ADGRG2: variants seen among roughly 807,000 people sequenced by gnomAD.
ADGRG2 encodes adhesion G protein-coupled receptor G2, also known as G protein-coupled receptor 64.
In ADGRG2, 26 loss-of-function variants were observed where a neutral mutation model predicts 74.1. The observed-to-expected ratio is 0.35, with a 90% confidence interval of 0.26 to 0.49. The LOEUF is 0.49. Among genes scored for constraint, ADGRG2 ranks in the 20% least tolerant of loss-of-function variants. The pLI is 0.99. For missense variants in ADGRG2, 619 were observed against 763.1 expected, an observed-to-expected ratio of 0.81 and a Z score of 2.22; for synonymous variants, 296 against 295.2, an observed-to-expected ratio of 1.00 and a Z score of -0.03.
chrX:19,005,542 G>T (rs1476788984), intron 22 of ADGRG2, among the ~76,000 whole-genome samples: 2 of 107,694 alleles, frequency 1.9e-5, no homozygotes, highest in African/African-American at 6.9e-5. Context: ...ATTAGAAGAG[G>T]AATCTCTCTC....
At position 18,991,055 on chromosome X, in the gene ADGRG2, A is replaced by G; in HGVS notation, c.2870-7T>C. On this transcript the variant is annotated splice_polypyrimidine_tract_variant and splice_region_variant and intron_variant, in intron 28 of 28. Transcript: ENST00000379869. The stretch of plus-strand genomic sequence containing the variant: ...CTCTCTGTAGAAGCATTTCCTGTAT[A>G]AGGAAACACAAAGCGGGTGGCATGA... The G allele has an allele frequency of 8.9e-7, 1 of 1,121,986 alleles. No homozygotes were observed. 92.5% of individuals were successfully genotyped at this position (1,121,986 alleles called of 1,213,427 possible). A position where few individuals can be genotyped will look rare whatever the true frequency, so the allele number is the denominator to read the frequency against.
chrX:19,062,503 TGA>T (rs1311169727), intron 3 of ADGRG2, among the ~76,000 whole-genome samples: 1 of 111,847 alleles, frequency 8.9e-6, no homozygotes, highest in Non-Finnish European at 1.9e-5. Flanking sequence ...GTGGGGGTTG[TGA>T]GATTGGCTGA....
chrX:18,999,246 A>G lies in ADGRG2; in HGVS notation c.2364T>C (p.Ile788=). 10 of 1,207,048 alleles carry G rather than the reference A, an allele frequency of 8.3e-6. No homozygotes were observed. Among genetic ancestry groups the G allele is most frequent in the Non-Finnish European group, 1.1e-5 (10 of 892,409 alleles). ...CWINNNAVFY[I]TVVGYFCVIF... ...TCACACAGAAATATCCCACCACCGT[A>G]ATGTAGAATACTGCATTGTTGTTGA... The change falls in exon 26 of 29, where the codon ATT becomes ATC. Residue 788 remains isoleucine, a synonymous_variant. Transcript: ENST00000379869.
Position 19,109,575 on chromosome X carries a change from A to G in ADGRG2, c.-47+12867T>C, listed in dbSNP as rs759190144. ...TTTGGTGCCCTTTTCTCAGATTTCA[A>G]TAACACACACGGCTTATCACTTGTG... On this transcript the variant is annotated intron_variant, in intron 1 of 28. Transcript: ENST00000379869. 8.9e-5 allele frequency among the ~76,000 whole-genome samples: 10 copies of G among 111,963 alleles called. No homozygotes were observed. The South Asian group carries it at 3.7e-3, about 42-fold the overall frequency.
Position 19,040,222 on chromosome X carries a change from CT to C in ADGRG2, c.120del (p.Asp41IlefsTer39). The C allele has an allele frequency of 8.8e-7, 1 of 1,141,179 alleles. No individual in the cohort carries two copies. The highest frequency in any genetic ancestry group is 1.2e-6 in the Non-Finnish European group (1 of 836,192). 94.0% of individuals were successfully genotyped at this position (1,141,179 alleles called of 1,213,427 possible). A position where few individuals can be genotyped will look rare whatever the true frequency, so the allele number is the denominator to read the frequency against. ...GGTGACAAACTGGAATTATCAGTAT[CT>C]TCTGTTGAGGAAAAGAGGTGATTCA... ...LHVVLVTSLE[E>X]DTDNSSLSPP... On this transcript the variant is annotated frameshift_variant and splice_region_variant, in exon 4 of 29. Transcript: ENST00000379869. LOFTEE classifies it high-confidence loss of function.
chrX:19,043,373 G>C (rs140025791), intron 3 of ADGRG2, among the ~76,000 whole-genome samples: 2 of 111,439 alleles, frequency 1.8e-5, no homozygotes, highest in East Asian at 5.7e-4. Context: ...TAAAGAGGTG[G>C]TCGTCATATC....
At chrX:19,095,550 C>T (rs1290198317) in intron 1 of ADGRG2, among the ~76,000 whole-genome samples, 2 of 112,053 alleles carry the variant, frequency 1.8e-5, no homozygotes, top group Admixed American at 9.5e-5. Context: ...ATCCACACTT[C>T]GCTAATCAGC....
intron 1 of ADGRG2, among the ~76,000 whole-genome samples, chrX:19,097,467 C>T (rs1167315132): frequency 1.8e-5 from 2 of 112,333 alleles, no homozygotes; most frequent in Non-Finnish European, 3.8e-5. Context: ...ACCGAGATAG[C>T]GCCACTGCAC....
At chrX:19,051,670 A>ACT (rs1208392488) in intron 3 of ADGRG2, among the ~76,000 whole-genome samples, 1 of 110,698 alleles carries the variant, frequency 9.0e-6, no homozygotes, top group Non-Finnish European at 1.9e-5. Flanking sequence ...GCTTGCTCTC[A>ACT]CTCTCTCTCT....
At chrX:19,085,250 A>T (rs1383939970) in intron 1 of ADGRG2, among the ~76,000 whole-genome samples, 1 of 112,301 alleles carries the variant, frequency 8.9e-6, no homozygotes, top group African/African-American at 3.2e-5. Flanking sequence ...GTCAATGCAT[A>T]TAAGGCAAGA....
At chrX:19,070,005 G>A (rs1418150461) in intron 2 of ADGRG2, among the ~76,000 whole-genome samples, 5 of 110,881 alleles carry the variant, frequency 4.5e-5, no homozygotes, top group African/African-American at 1.6e-4. Flanking sequence ...CGGGGGTCGC[G>A]GGCAACCTGT....
chrX:19,083,487 T>C (rs777952928), intron 1 of ADGRG2, among the ~76,000 whole-genome samples: 1 of 111,204 alleles, frequency 9.0e-6, no homozygotes, highest in African/African-American at 3.3e-5. Context: ...TTCACTTCCC[T>C]AGAACCTAAA....
At chrX:19,082,828 T>C (rs1480013600) in intron 1 of ADGRG2, 82 bp from the exon 2 acceptor site, 1 of 112,498 alleles carries the variant, frequency 8.9e-6, no homozygotes, top group Non-Finnish European at 1.9e-5. Context: ...ACTTCAATAC[T>C]GCAGTGAGCT....
chrX:19,036,157 C>G (rs1441904597), intron 6 of ADGRG2, 180 bp from the exon 7 acceptor site: 4 of 317,542 alleles, frequency 1.3e-5, no homozygotes, highest in Admixed American at 5.9e-5. Context: ...ATTCTCCAAC[C>G]CCTGGAGACA....
intron 3 of ADGRG2, among the ~76,000 whole-genome samples, chrX:19,062,279 T>A (rs5909271): frequency 0.29 from 31,677 of 111,125 alleles, 3,402 homozygotes; most frequent in East Asian, 0.42. Flanking sequence ...GCAACTGCCC[T>A]GTGCTGACAC....
At chrX:19,078,107 C>T (rs990106796) in intron 2 of ADGRG2, among the ~76,000 whole-genome samples, 4 of 112,207 alleles carry the variant, frequency 3.6e-5, no homozygotes, top group African/African-American at 1.3e-4. Context: ...ACCATCCAGA[C>T]CAACAGAAAA....
intron 1 of ADGRG2, among the ~76,000 whole-genome samples, chrX:19,090,444 C>A (rs894115645): frequency 1.8e-5 from 2 of 111,763 alleles, no homozygotes; most frequent in Non-Finnish European, 3.8e-5. Flanking sequence ...CCCTCCCTCA[C>A]GTGGCTGCGC....
chrX:19,055,749 A>C (rs1219615629), intron 3 of ADGRG2, among the ~76,000 whole-genome samples: 3 of 87,329 alleles, frequency 3.4e-5, no homozygotes, highest in Non-Finnish European at 6.6e-5. Flanking sequence ...TTTTTTTTTG[A>C]GATGGAGTCT....
At chrX:19,087,948 C>T (rs1263579714) in intron 1 of ADGRG2, among the ~76,000 whole-genome samples, 3 of 110,866 alleles carry the variant, frequency 2.7e-5, no homozygotes, top group Non-Finnish European at 5.7e-5. Flanking sequence ...TAGAATGTTG[C>T]TGGTCACCTC....
Sources: gnomAD v4.1 joint callset for allele counts (sites outside exome capture counted in the v4.1 genomes callset) on GRCh38, gnomAD v4.1.1 for gene constraint, MANE v1.5 for transcripts, NCBI Gene and HGNC (gene_info 2026-07-23, HGNC 2026-07-21) for gene names.